ANO4: variants seen among roughly 807,000 people sequenced by gnomAD.
ANO4 encodes anoctamin 4.
Under a neutral mutation model 141.9 loss-of-function variants are expected in ANO4, and 69 were observed. The ratio of observed to expected loss-of-function variants is 0.49; its 90% confidence interval spans 0.40 to 0.59. The LOEUF (loss-of-function observed/expected upper bound fraction) is 0.59, where lower values mean the gene tolerates loss of function less well. ANO4 is among the 20% of genes least tolerant of loss of function. ANO4 has a pLI of 0.00. For missense variants in ANO4, 894 were observed against 1,162.2 expected (o/e 0.77, Z 3.36); for synonymous variants, 350 against 394.3 (o/e 0.89, Z 1.33).
At chr12:101,006,903 A>G (rs2045895279) in intron 8 of ANO4, among the ~76,000 whole-genome samples, 1 of 152,196 alleles carries the variant, frequency 6.6e-6, no homozygotes, top group South Asian at 2.1e-4. Flanking sequence ...GTTAGTGGGT[A>G]TATAGGTGTT....
chr12:100,936,495 T>G (rs866770927), intron 3 of ANO4, among the ~76,000 whole-genome samples: 2 of 152,212 alleles, frequency 1.3e-5, no homozygotes, highest in Admixed American at 6.5e-5. Flanking sequence ...TTGAACTGAT[T>G]GTGCCAGTGC....
At chr12:100,726,897 T>A (rs1315351961) in intron 1 of ANO4, among the ~76,000 whole-genome samples, 2 of 151,168 alleles carry the variant, frequency 1.3e-5, no homozygotes, top group African/African-American at 4.9e-5. Context: ...AAAAAATTGG[T>A]AATTTATACA....
At chr12:100,754,198 T>C (rs1031220763) in intron 3 of ANO4, among the ~76,000 whole-genome samples, 1 of 152,210 alleles carries the variant, frequency 6.6e-6, no homozygotes, top group African/African-American at 2.4e-5. Context: ...TAACTCACAA[T>C]GTAATGTGCA....
At chr12:101,084,013 A>G (rs763181757) in intron 16 of ANO4, among the ~76,000 whole-genome samples, 195 bp downstream of exon 16, 3 of 152,318 alleles carry the variant, frequency 2.0e-5, no homozygotes, top group South Asian at 2.1e-4. Context: ...TGAGACTCCA[A>G]CAGGTTATGG....
At chr12:100,772,931 C>G (rs2033361166) in intron 3 of ANO4, among the ~76,000 whole-genome samples, 1 of 152,184 alleles carries the variant, frequency 6.6e-6, no homozygotes, top group Non-Finnish European at 1.5e-5. Context: ...TCTCCTGTTT[C>G]CTGTCCCAAT....
intron 14 of ANO4, among the ~76,000 whole-genome samples, chr12:101,052,730 C>T (rs1197686470): frequency 6.6e-6 from 1 of 151,066 alleles, no homozygotes; most frequent in Non-Finnish European, 1.5e-5. Context: ...GTCTTATCTA[C>T]ATGTTCCACA....
At chr12:101,080,213 G>A (rs1242831775) in intron 15 of ANO4, among the ~76,000 whole-genome samples, 1 of 152,236 alleles carries the variant, frequency 6.6e-6, no homozygotes, top group Non-Finnish European at 1.5e-5. Context: ...TATGAACGAT[G>A]TGAATTTTAG....
intron 3 of ANO4, among the ~76,000 whole-genome samples, chr12:100,779,365 G>T (rs923299692): frequency 1.3e-5 from 2 of 152,236 alleles, no homozygotes; most frequent in Non-Finnish European, 2.9e-5. Context: ...GCATTCAGCC[G>T]AATGCTGCTA....
chr12:100,825,216 A>G (rs1164577911), intron 1 of ANO4, among the ~76,000 whole-genome samples: 4 of 152,056 alleles, frequency 2.6e-5, no homozygotes, highest in Admixed American at 1.3e-4. Flanking sequence ...AAAATTAATA[A>G]TTAGTTTGAC....
At chr12:100,935,967 A>G (rs73391760) in intron 3 of ANO4, among the ~76,000 whole-genome samples, 2,883 of 152,260 alleles carry the variant, frequency 0.019, 85 homozygotes, top group African/African-American at 0.066. Context: ...GAGTGTTTAT[A>G]TGGTCTACAG....
intron 1 of ANO4, among the ~76,000 whole-genome samples, chr12:100,867,461 A>G (rs1237542703): frequency 6.6e-6 from 1 of 152,184 alleles, no homozygotes; most frequent in Non-Finnish European, 1.5e-5. Flanking sequence ...AGTCGGGTGT[A>G]GAGAGTTAGT....
intron 1 of ANO4, among the ~76,000 whole-genome samples, chr12:100,838,491 GA>G (rs1321110619): frequency 6.6e-6 from 1 of 152,130 alleles, no homozygotes; most frequent in African/African-American, 2.4e-5. Context: ...ACAGGGCCTG[GA>G]AAAGTCAGAA....
chr12:100,881,990 G>A (rs1458591527), intron 1 of ANO4, among the ~76,000 whole-genome samples: 1 of 151,990 alleles, frequency 6.6e-6, no homozygotes, highest in Non-Finnish European at 1.5e-5. Context: ...TTCTAAAAGT[G>A]GTATTGACAA....
chr12:101,068,735 A>G (rs776944455), intron 14 of ANO4: 2 of 1,300,038 alleles, frequency 1.5e-6, no homozygotes, highest in Non-Finnish European at 2.2e-6. Context: ...TCTCATAAAA[A>G]TGTTGCCGAT....
At chr12:100,942,115 GA>G (rs964612029) in intron 4 of ANO4, among the ~76,000 whole-genome samples, 14 of 151,824 alleles carry the variant, frequency 9.2e-5, no homozygotes, top group Non-Finnish European at 1.6e-4. Context: ...AGAGTAGCTG[GA>G]ACTACAGGCA....
In ANO4 at chr12:101,048,340, GGTAACCCACCTTTT is replaced by G. The variant is rs1366254446; in HGVS notation, c.1252_1265del (p.Val418Ter). On this transcript the variant is annotated frameshift_variant and splice_region_variant, in exon 14 of 28. Transcript: ENST00000392977. LOFTEE classifies it high-confidence loss of function. ...TCAGCACCGATTCTTATTATTCACAGGTAACCCACCTTTTTGACAATGGAGCCACTGTCTTCTTT... is the reference window on the plus strand; with the variant it reads ...TCAGCACCGATTCTTATTATTCACAGTGACAATGGAGCCACTGTCTTCTTT... 1 of 1,613,450 alleles carries G rather than the reference GGTAACCCACCTTTT, an allele frequency of 6.2e-7. No homozygotes were observed. Among genetic ancestry groups the G allele is most frequent in the Non-Finnish European group, 8.5e-7 (1 of 1,179,678 alleles).
rs2033230947 is a variant in ANO4 at position 100,770,066 on chromosome 12, G to A, written c.358+29961G>A. Among the ~76,000 whole-genome samples the A allele has an allele frequency of 1.3e-5, 2 of 152,292 alleles. 1 individual carries two copies. The highest frequency in any genetic ancestry group is 4.1e-4 in the South Asian group (2 of 4,826). On this transcript the variant is annotated intron_variant, in intron 3 of 29. Transcript: ENST00000644049. ...TATTACTTTTAGAATTTATAAAAAT[G>A]TTTGTCTCTGGTTGAATATTGCGAT... is the stretch of plus-strand genomic sequence containing the variant.
At chr12:100,782,907 T>C (rs1213148312) in intron 3 of ANO4, among the ~76,000 whole-genome samples, 2 of 152,198 alleles carry the variant, frequency 1.3e-5, no homozygotes, top group Non-Finnish European at 2.9e-5. Context: ...TCCAGACACA[T>C]ATTTCTACCA....
Position 100,921,113 on chromosome 12 carries a change from C to T in ANO4, c.56-1113C>T, listed in dbSNP as rs559447062. Among the ~76,000 whole-genome samples, 13 of 152,266 alleles carry T rather than the reference C, an allele frequency of 8.5e-5. No homozygotes were observed. In the East Asian group the frequency reaches 2.3e-3, roughly 27 times the overall value. On this transcript the variant is annotated intron_variant, in intron 2 of 27. Coordinates refer to ENST00000392977, the MANE Select transcript of ANO4 (RefSeq NM_001286615.2). ...TTTATAATTACTGCATAGCCTCATTCATTCATTCAGCCTGAGAATCTACTT... is the reference window on the plus strand; with the variant it reads ...TTTATAATTACTGCATAGCCTCATTTATTCATTCAGCCTGAGAATCTACTT...
Sources: gnomAD v4.1 joint callset for allele counts (sites outside exome capture counted in the v4.1 genomes callset) on GRCh38, gnomAD v4.1.1 for gene constraint, MANE v1.5 for transcripts, NCBI Gene and HGNC (gene_info 2026-07-23, HGNC 2026-07-21) for gene names.